Variants in ANO6 observed in about 807,000 individuals in gnomAD.
The protein encoded by ANO6 is anoctamin 6.
In ANO6, 106 loss-of-function variants were observed where a neutral mutation model predicts 117.5. That is an observed-to-expected ratio of 0.90 (90% confidence interval 0.77 to 1.06). The LOEUF (loss-of-function observed/expected upper bound fraction) is 1.06, where lower values mean the gene tolerates loss of function less well. Among genes scored for constraint, ANO6 ranks in the 50% least tolerant of loss-of-function variants. The probability of loss-of-function intolerance (pLI) is 0.00; values close to 1 mark genes in which losing one functional copy is unlikely to be tolerated. For synonymous variants in ANO6, 367 were observed against 385.1 expected, an observed-to-expected ratio of 0.95 and a Z score of 0.55; for missense variants, 955 against 1,121.1, an observed-to-expected ratio of 0.85 and a Z score of 2.12.
intron 1 of ANO6, among the ~76,000 whole-genome samples, chr12:45,279,183 C>T (rs1938644543): frequency 6.6e-6 from 1 of 152,152 alleles, no homozygotes; most frequent in Non-Finnish European, 1.5e-5. Flanking sequence ...ATCTGGAGGT[C>T]CAACTCCTCA....
chr12:45,407,070 A>T (rs1181135750), intron 15 of ANO6, among the ~76,000 whole-genome samples: 2 of 152,204 alleles, frequency 1.3e-5, no homozygotes, highest in African/African-American at 4.8e-5. Flanking sequence ...GGTGATTCTC[A>T]TGTGAAGTCA....
At chr12:45,296,522 CTT>C (rs1000380034) in intron 1 of ANO6, among the ~76,000 whole-genome samples, 7 of 151,808 alleles carry the variant, frequency 4.6e-5, no homozygotes, top group African/African-American at 1.5e-4. Context: ...TTGTTTTTTT[CTT>C]TTTTTTCTTT....
chr12:45,294,975 A>G (rs1939238145), intron 1 of ANO6, among the ~76,000 whole-genome samples: 1 of 152,204 alleles, frequency 6.6e-6, no homozygotes. Flanking sequence ...AGTTTCATAT[A>G]TATGTCAGCT....
Position 45,238,059 on chromosome 12 carries a change from C to T in ANO6, c.70+21668C>T, listed in dbSNP as rs147945721. On this transcript the variant is annotated intron_variant, in intron 1 of 19. Transcript: ENST00000320560. The stretch of plus-strand genomic sequence containing the variant: ...TGTATAGGAATGCTTGTGATTTTTG[C>T]ACATTGATTTTGTATCCTGAGACTT... Among the ~76,000 whole-genome samples the T allele has an allele frequency of 2.1e-3, 320 of 152,008 alleles. 10 individuals are homozygous for T. The East Asian group carries it at 0.06, about 28-fold the overall frequency.
At chr12:45,288,325 C>T (rs767471772) in intron 1 of ANO6, among the ~76,000 whole-genome samples, 77 of 152,228 alleles carry the variant, frequency 5.1e-4, no homozygotes, top group African/African-American at 1.6e-3. Flanking sequence ...GTGCAACCAT[C>T]ACCACCATCC....
At chr12:45,405,515 T>C (rs991147107) in intron 15 of ANO6, among the ~76,000 whole-genome samples, 1 of 152,216 alleles carries the variant, frequency 6.6e-6, no homozygotes, top group African/African-American at 2.4e-5. Context: ...GTTTGAAAAC[T>C]GAGAATGCTG....
chr12:45,369,662 GCTTTT>G (rs1941773946), intron 9 of ANO6, among the ~76,000 whole-genome samples: 1 of 151,848 alleles, frequency 6.6e-6, no homozygotes, highest in Non-Finnish European at 1.5e-5. Flanking sequence ...ACTTTTTCTG[GCTTTT>G]CTGTTTGTGA....
intron 1 of ANO6, among the ~76,000 whole-genome samples, chr12:45,288,028 C>T (rs1370011901): frequency 6.6e-6 from 1 of 152,062 alleles, no homozygotes; most frequent in African/African-American, 2.4e-5. Flanking sequence ...CCCAGCACCA[C>T]GAGAGTCCCC....
chr12:45,403,637 A>G, intron 15 of ANO6, 101 bp downstream of exon 15: 1 of 939,560 alleles, frequency 1.1e-6, no homozygotes, highest in South Asian at 1.3e-5. Flanking sequence ...ACATAGCTGC[A>G]TGTCCACCTC....
chr12:45,371,857 T>G (rs1302531407), intron 9 of ANO6, among the ~76,000 whole-genome samples: 3 of 152,276 alleles, frequency 2.0e-5, no homozygotes, highest in Admixed American at 1.3e-4. Context: ...CAAAGCTGGA[T>G]GGAGAATGAC....
intron 1 of ANO6, among the ~76,000 whole-genome samples, chr12:45,224,662 AAC>A (rs1199406546): frequency 1.3e-5 from 2 of 152,220 alleles, no homozygotes; most frequent in Non-Finnish European, 2.9e-5. Flanking sequence ...TTCTGAGACA[AAC>A]ACAGCTCTAA....
At chr12:45,238,003 A>G (rs1382069756) in intron 1 of ANO6, among the ~76,000 whole-genome samples, 1 of 152,054 alleles carries the variant, frequency 6.6e-6, no homozygotes, top group East Asian at 1.9e-4. Flanking sequence ...ATGGGAGTTC[A>G]CTCATGATTT....
chr12:45,363,730 T>G (rs1941615832), intron 8 of ANO6, among the ~76,000 whole-genome samples: 1 of 152,126 alleles, frequency 6.6e-6, no homozygotes, highest in South Asian at 2.1e-4. Flanking sequence ...GTGGGCAGTT[T>G]TCCTCATATT....
chr12:45,284,026 T>C (rs1426114828), intron 1 of ANO6, among the ~76,000 whole-genome samples: 1 of 152,222 alleles, frequency 6.6e-6, no homozygotes, highest in Non-Finnish European at 1.5e-5. Flanking sequence ...CATACAAATT[T>C]ATTTGATCAT....
chr12:45,216,934 C>T (rs1947323954), intron 1 of ANO6, among the ~76,000 whole-genome samples: 2 of 152,128 alleles, frequency 1.3e-5, no homozygotes, highest in South Asian at 2.1e-4. Flanking sequence ...GCTGGAAACC[C>T]TTTCCCATCT....
At chr12:45,273,986 C>CCGT (rs927598238) in intron 1 of ANO6, among the ~76,000 whole-genome samples, 2 of 152,212 alleles carry the variant, frequency 1.3e-5, no homozygotes, top group African/African-American at 4.8e-5. Context: ...GCACAACTGA[C>CCGT]CACTCCCTGC....
At chr12:45,286,247 G>T (rs1454745775) in intron 1 of ANO6, among the ~76,000 whole-genome samples, 1 of 152,148 alleles carries the variant, frequency 6.6e-6, no homozygotes, top group Non-Finnish European at 1.5e-5. Context: ...CAATCCTCCT[G>T]TCTCAGCCTC....
intron 17 of ANO6, among the ~76,000 whole-genome samples, chr12:45,417,614 G>A (rs1434427842): frequency 1.3e-5 from 2 of 152,150 alleles, no homozygotes; most frequent in East Asian, 3.8e-4. Flanking sequence ...AGGCACACAG[G>A]AAGTTCTCAG....
At chr12:45,369,461 C>T (rs1467357850) in intron 9 of ANO6, among the ~76,000 whole-genome samples, 1 of 151,956 alleles carries the variant, frequency 6.6e-6, no homozygotes, top group Non-Finnish European at 1.5e-5. Flanking sequence ...CCTCCTTAAG[C>T]ACATGACTTT....
Sources: gnomAD v4.1 joint callset for allele counts (sites outside exome capture counted in the v4.1 genomes callset) on GRCh38, gnomAD v4.1.1 for gene constraint, MANE v1.5 for transcripts, NCBI Gene and HGNC (gene_info 2026-07-23, HGNC 2026-07-21) for gene names.